PPFIBP1: variants seen among roughly 807,000 people sequenced by gnomAD.
PPFIBP1 encodes the protein liprin-beta-1.
Under a neutral mutation model 137.8 loss-of-function variants are expected in PPFIBP1, and 112 were observed. The observed-to-expected ratio is 0.81, with a 90% CI of 0.70 to 0.95. The LOEUF is 0.95. Among genes scored for constraint, PPFIBP1 ranks in the 40% least tolerant of loss-of-function variants. The pLI, the probability that PPFIBP1 is intolerant of heterozygous loss-of-function variation, is 0.00. For missense variants in PPFIBP1, 1,083 were observed against 1,196.6 expected (o/e 0.91, Z 1.40); for synonymous variants, 378 against 417.3 (o/e 0.91, Z 1.15).
chr12:27,528,136 A>G (rs948226153), intron 1 of PPFIBP1, among the ~76,000 whole-genome samples: 2 of 151,864 alleles, frequency 1.3e-5, no homozygotes, highest in African/African-American at 4.8e-5. Context: ...TTTAGTAGAG[A>G]CGGGGTTTCA....
At chr12:27,630,001 G>A (rs2057147855) in intron 2 of PPFIBP1, among the ~76,000 whole-genome samples, 1 of 152,110 alleles carries the variant, frequency 6.6e-6, no homozygotes, top group South Asian at 2.1e-4. Context: ...AGACTTGAAT[G>A]TATATTCTGC....
At chr12:27,597,106 AG>A (rs2053404750) in intron 2 of PPFIBP1, among the ~76,000 whole-genome samples, 2 of 152,268 alleles carry the variant, frequency 1.3e-5, no homozygotes, top group South Asian at 4.1e-4. Context: ...TATGGTATAC[AG>A]GACTGGCTAA....
chr12:27,570,091 A>C (rs1298295286), intron 1 of PPFIBP1, among the ~76,000 whole-genome samples: 1 of 152,154 alleles, frequency 6.6e-6, no homozygotes, highest in Admixed American at 6.5e-5. Context: ...GTTTTGGTAT[A>C]TGTAAAATGG....
At chr12:27,682,566 A>G (rs1205042134) in intron 23 of PPFIBP1, 49 bp from the exon 24 acceptor site, 1 of 1,611,446 alleles carries the variant, frequency 6.2e-7, no homozygotes, top group Non-Finnish European at 8.5e-7. Context: ...TTTAATCACA[A>G]GAACAGATGT....
At chr12:27,671,830 G>A (rs2060218519) in intron 14 of PPFIBP1, among the ~76,000 whole-genome samples, 1 of 152,146 alleles carries the variant, frequency 6.6e-6, no homozygotes, top group African/African-American at 2.4e-5. Flanking sequence ...TCAGCACTTT[G>A]GAAGGCCAAG....
intron 5 of PPFIBP1, among the ~76,000 whole-genome samples, chr12:27,647,145 G>A (rs759706441): frequency 7.2e-5 from 11 of 152,270 alleles, no homozygotes; most frequent in South Asian, 6.2e-4. Context: ...GGGATTACAG[G>A]CACATGCCCC....
chr12:27,676,737 G>T, intron 18 of PPFIBP1, 138 bp downstream of exon 18: 1 of 864,856 alleles, frequency 1.2e-6, no homozygotes. Context: ...GGGGAATTTA[G>T]CAAAAAATGC....
At chr12:27,687,623 C>G (rs1177332767) in intron 25 of PPFIBP1, 116 bp downstream of exon 25, 3 of 1,228,006 alleles carry the variant, frequency 2.4e-6, no homozygotes, top group Non-Finnish European at 3.3e-6. Context: ...TAAAATCCAG[C>G]CTCATTTACT....
At chr12:27,607,803 CT>C (rs942548583) in intron 2 of PPFIBP1, among the ~76,000 whole-genome samples, 2 of 151,998 alleles carry the variant, frequency 1.3e-5, no homozygotes, top group East Asian at 1.9e-4. Flanking sequence ...TTCCTCCCCG[CT>C]TTTTTTTCCT....
chr12:27,537,244 G>C (rs1286793883), intron 1 of PPFIBP1, among the ~76,000 whole-genome samples: 1 of 151,996 alleles, frequency 6.6e-6, no homozygotes, highest in East Asian at 1.9e-4. Flanking sequence ...TGATTCTCCT[G>C]CCTCAGCCTC....
chr12:27,542,534 T>C (rs1945784247), intron 1 of PPFIBP1, among the ~76,000 whole-genome samples: 2 of 152,204 alleles, frequency 1.3e-5, no homozygotes, highest in Admixed American at 6.5e-5. Context: ...TGCTCATTCA[T>C]TGTAGAAGCT....
At chr12:27,575,371 A>G (rs2050472360) in intron 1 of PPFIBP1, among the ~76,000 whole-genome samples, 1 of 152,244 alleles carries the variant, frequency 6.6e-6, no homozygotes. Flanking sequence ...AGGCTGAGAT[A>G]TGGCATTATG....
At chr12:27,597,371 G>T (rs1254167183) in intron 2 of PPFIBP1, among the ~76,000 whole-genome samples, 1 of 152,062 alleles carries the variant, frequency 6.6e-6, no homozygotes, top group African/African-American at 2.4e-5. Context: ...GGTGAGGCTG[G>T]TCCCGAACCC....
chr12:27,543,634 C>T (rs1241289697), intron 1 of PPFIBP1, among the ~76,000 whole-genome samples: 6 of 152,062 alleles, frequency 3.9e-5, no homozygotes, highest in Admixed American at 3.9e-4. Context: ...TATGCTTCAC[C>T]TAAAACATAG....
intron 6 of PPFIBP1, 112 bp downstream of exon 6, chr12:27,647,954 G>T: frequency 2.3e-6 from 3 of 1,329,348 alleles, no homozygotes; most frequent in South Asian, 2.3e-5. Context: ...GATTCATTTA[G>T]ACCAGCACAT....
chr12:27,616,910 G>A (rs1194034381), intron 2 of PPFIBP1, among the ~76,000 whole-genome samples: 1 of 152,188 alleles, frequency 6.6e-6, no homozygotes, highest in Non-Finnish European at 1.5e-5. Context: ...TATGAGAAAT[G>A]TGACAGGGAG....
intron 16 of PPFIBP1, 148 bp downstream of exon 16, chr12:27,673,975 T>C: frequency 1.2e-6 from 1 of 816,510 alleles, no homozygotes; most frequent in Non-Finnish European, 1.9e-6. Context: ...GGTTTAACAG[T>C]AAATATTAAG....
In PPFIBP1 at chr12:27,677,059, T is replaced by G. The variant is rs763701498; in HGVS notation, c.1583-5T>G. On this transcript the variant is annotated splice_polypyrimidine_tract_variant and splice_region_variant and intron_variant, in intron 18 of 29. Coordinates refer to ENST00000228425, the MANE Select transcript of PPFIBP1 (RefSeq NM_003622.4). ...TGATTGTGTGCGTTGTTGGGATATC[T>G]GAAGATCGTAAACGAAGTGCCAGTG... 4.8e-5 allele frequency: 77 copies of G among 1,614,116 alleles called. No homozygotes were observed. The highest frequency in any genetic ancestry group is 6.4e-5 in the Non-Finnish European group (75 of 1,180,034).
In PPFIBP1 at chr12:27,672,864, T is replaced by C. The variant is rs572295140; in HGVS notation, c.1319+381T>C. Among the ~76,000 whole-genome samples the C allele has an allele frequency of 1.1e-4, 16 of 152,354 alleles. No homozygotes were observed. In the South Asian group the frequency reaches 3.1e-3, roughly 30 times the overall value. On this transcript the variant is annotated intron_variant, in intron 15 of 29. Coordinates refer to ENST00000228425, the MANE Select transcript of PPFIBP1 (RefSeq NM_003622.4). ...CTTGGAAAGCTGAGATGGGTTTTTTTGCACTTTCAGTTTTATGAACTGACC... is the reference window on the plus strand; with the variant it reads ...CTTGGAAAGCTGAGATGGGTTTTTTCGCACTTTCAGTTTTATGAACTGACC...
Sources: allele counts gnomAD v4.1 joint callset (sites outside exome capture counted in the v4.1 genomes callset), GRCh38; gene constraint gnomAD v4.1.1; transcripts MANE v1.5; gene names NCBI Gene and HGNC (gene_info 2026-07-23, HGNC 2026-07-21).